OPCML: variants seen among roughly 807,000 people sequenced by gnomAD.
OPCML encodes the protein opioid binding protein/cell adhesion molecule like.
OPCML carries 13 observed loss-of-function variants against 37.8 expected under a neutral mutation model. That is an observed-to-expected ratio of 0.34 (90% CI 0.22 to 0.55). The LOEUF is 0.55. Ranked by LOEUF, OPCML falls within the 20% of genes least tolerant of loss-of-function variation. OPCML has a pLI of 0.91. For synonymous variants in OPCML, 176 were observed against 168.8 expected (o/e 1.04, Z -0.33); for missense variants, 341 against 435.6 (o/e 0.78, Z 1.93).
intron 1 of OPCML, among the ~76,000 whole-genome samples, chr11:133,441,110 A>G (rs1274198794): frequency 6.6e-6 from 1 of 151,922 alleles, no homozygotes; most frequent in African/African-American, 2.4e-5. Context: ...ATAAAAATCA[A>G]TTATTATCTT....
At chr11:132,821,240 G>A (rs1004408554) in intron 2 of OPCML, among the ~76,000 whole-genome samples, 4 of 152,188 alleles carry the variant, frequency 2.6e-5, no homozygotes, top group African/African-American at 9.7e-5. Context: ...TCAGGGCTGG[G>A]GAATGTCCCT....
intron 4 of OPCML, among the ~76,000 whole-genome samples, chr11:132,494,806 C>T (rs901943539): frequency 1.3e-5 from 2 of 152,206 alleles, no homozygotes; most frequent in East Asian, 3.8e-4. Flanking sequence ...AACACAAACA[C>T]CAGCTCCAGA....
At chr11:133,347,519 G>GT (rs910951438) in intron 1 of OPCML, among the ~76,000 whole-genome samples, 12 of 151,864 alleles carry the variant, frequency 7.9e-5, no homozygotes, top group Admixed American at 2.0e-4. Context: ...TTAGGGAAGT[G>GT]TTTTTTTTCT....
chr11:132,650,218 A>AGCCTTTACTC (rs1190247624), intron 3 of OPCML, among the ~76,000 whole-genome samples: 1 of 152,222 alleles, frequency 6.6e-6, no homozygotes, highest in Non-Finnish European at 1.5e-5. Context: ...GGGACACTAA[A>AGCCTTTACTC]TCCTAAAGCC....
At chr11:132,512,692 G>A (rs1332638134) in intron 4 of OPCML, among the ~76,000 whole-genome samples, 1 of 151,694 alleles carries the variant, frequency 6.6e-6, no homozygotes, top group African/African-American at 2.4e-5. Flanking sequence ...ATATATATTT[G>A]TGTCATGTAG....
chr11:132,938,210 A>T (rs1266017259), intron 2 of OPCML, among the ~76,000 whole-genome samples: 1 of 152,164 alleles, frequency 6.6e-6, no homozygotes, highest in Non-Finnish European at 1.5e-5. Context: ...TATCCACCAC[A>T]GTATCTATAG....
chr11:133,203,566 T>C (rs753060170), intron 1 of OPCML, among the ~76,000 whole-genome samples: 2 of 152,094 alleles, frequency 1.3e-5, no homozygotes, highest in South Asian at 2.1e-4. Flanking sequence ...GAGTTATCTG[T>C]ATAAAGAGGT....
intron 1 of OPCML, among the ~76,000 whole-genome samples, chr11:132,981,763 T>C (rs12365446): frequency 0.18 from 27,238 of 152,078 alleles, 2,678 homozygotes; most frequent in African/African-American, 0.22. Context: ...CAAATAAGAA[T>C]TGACAGGAAA....
chr11:132,778,150 C>T (rs1018706461), intron 2 of OPCML, among the ~76,000 whole-genome samples: 5 of 152,228 alleles, frequency 3.3e-5, no homozygotes, highest in African/African-American at 1.2e-4. Context: ...CATGTTGTGT[C>T]ATTATAGCTT....
At chr11:132,846,129 C>T (rs546706987) in intron 2 of OPCML, among the ~76,000 whole-genome samples, 93 of 152,298 alleles carry the variant, frequency 6.1e-4, no homozygotes, top group African/African-American at 2.2e-3. Flanking sequence ...TTTACAGTCT[C>T]CTTTATAGCT....
At chr11:132,894,197 AG>A (rs1391364812) in intron 2 of OPCML, among the ~76,000 whole-genome samples, 1 of 152,176 alleles carries the variant, frequency 6.6e-6, no homozygotes, top group Non-Finnish European at 1.5e-5. Flanking sequence ...TTGTTACACT[AG>A]GTCTTTTATC....
intron 2 of OPCML, among the ~76,000 whole-genome samples, chr11:132,889,286 C>T (rs565692732): frequency 6.6e-6 from 1 of 152,278 alleles, no homozygotes; most frequent in African/African-American, 2.4e-5. Flanking sequence ...CATCCTCCTA[C>T]CAAGCACGGG....
rs1470967054 is a variant in OPCML, at chr11:132,694,177, GTCTTTTTT to G, written c.147-36866_147-36859del. ...AAGAGTTTCGTTCTGTGAAATCAAT[GTCTTTTTT>G]TTTTTTTTTTTTTTTTTTTTTTTTT... On this transcript the variant is annotated intron_variant, in intron 2 of 7. Transcript: ENST00000524381. Among the ~76,000 whole-genome samples, 102 of 63,944 alleles carry G rather than the reference GTCTTTTTT, an allele frequency of 1.6e-3. 3 individuals carry two copies. Among genetic ancestry groups the G allele is most frequent in the African/African-American group, 5.8e-3 (99 of 17,018 alleles). 41.9% of individuals were successfully genotyped at this position (63,944 alleles called of 152,430 possible). A position where few individuals can be genotyped will look rare whatever the true frequency, so the allele number is the denominator to read the frequency against.
chr11:132,422,235 C>T (rs897678425), intron 7 of OPCML, among the ~76,000 whole-genome samples: 32 of 152,042 alleles, frequency 2.1e-4, no homozygotes, highest in African/African-American at 7.5e-4. Flanking sequence ...TCATTCTATC[C>T]CAAGTTCTAC....
chr11:132,708,710 T>C (rs1324597947), intron 2 of OPCML, among the ~76,000 whole-genome samples: 5 of 152,126 alleles, frequency 3.3e-5, no homozygotes, highest in African/African-American at 1.2e-4. Flanking sequence ...AGTTCATTAA[T>C]TGGAGAAGGG....
intron 2 of OPCML, among the ~76,000 whole-genome samples, chr11:132,800,248 A>G (rs1467045436): frequency 6.6e-6 from 1 of 152,194 alleles, no homozygotes; most frequent in Non-Finnish European, 1.5e-5. Context: ...CAATTGATTT[A>G]CATATTGACT....
chr11:133,313,011 C>T (rs920723947), intron 1 of OPCML, among the ~76,000 whole-genome samples: 1 of 152,204 alleles, frequency 6.6e-6, no homozygotes, highest in African/African-American at 2.4e-5. Context: ...TGATTATACA[C>T]ATAGCTAGAG....
intron 1 of OPCML, among the ~76,000 whole-genome samples, chr11:133,133,614 C>G (rs372840637): frequency 6.6e-4 from 100 of 152,260 alleles, no homozygotes; most frequent in African/African-American, 2.3e-3. Context: ...AGTAGCTCCC[C>G]TCTCTTTCCC....
chr11:133,001,227 G>C (rs1199990784), intron 1 of OPCML, among the ~76,000 whole-genome samples: 6 of 152,090 alleles, frequency 3.9e-5, no homozygotes, highest in African/African-American at 7.2e-5. Flanking sequence ...GTGTCAACAG[G>C]GTTGGAGTCC....
Sources: gnomAD v4.1 joint callset for allele counts (sites outside exome capture counted in the v4.1 genomes callset) on GRCh38, gnomAD v4.1.1 for gene constraint, MANE v1.5 for transcripts, NCBI Gene and HGNC (gene_info 2026-07-23, HGNC 2026-07-21) for gene names.